GRIK3: variants seen among roughly 807,000 people sequenced by gnomAD.
The protein encoded by GRIK3 is glutamate receptor ionotropic, kainate 3.
GRIK3 carries 29 observed loss-of-function variants against 102.5 expected under a neutral mutation model. The observed-to-expected ratio is 0.28, with a 90% CI of 0.21 to 0.39. The LOEUF is 0.39. Among genes scored for constraint, GRIK3 ranks in the 10% least tolerant of loss-of-function variants. The pLI is 1.00. For missense variants in GRIK3, 908 were observed against 1,252.4 expected, an observed-to-expected ratio of 0.73 and a Z score of 4.15; for synonymous variants, 511 against 504.9, an observed-to-expected ratio of 1.01 and a Z score of -0.16.
chr1:36,991,203 C>T (rs1425110268), intron 1 of GRIK3, among the ~76,000 whole-genome samples: 2 of 152,192 alleles, frequency 1.3e-5, no homozygotes, highest in African/African-American at 4.8e-5. Flanking sequence ...ATTCAACAGG[C>T]TCGTGTGCAT....
rs1003483317 is a variant in GRIK3, at chr1:36,872,148, A to T, written c.732+40T>A. On this transcript the variant is annotated intron_variant, in intron 4 of 15. Transcript: ENST00000373091. The surrounding 1 kb of genome is among the most constrained non-coding windows in gnomAD (Gnocchi z 5.9). ...AGGGGACGTGGGAGAAGTGGCCAGC[A>T]GACCCCAGTCATCTGTCCCGGTGGC... 16 of 1,510,966 alleles carry T rather than the reference A, an allele frequency of 1.1e-5. No homozygotes were observed. The highest frequency in any genetic ancestry group is 1.4e-5 in the Non-Finnish European group (16 of 1,122,118). 93.6% of individuals were successfully genotyped at this position (1,510,966 alleles called of 1,614,324 possible). A position where few individuals can be genotyped will look rare whatever the true frequency, so the allele number is the denominator to read the frequency against.
intron 11 of GRIK3, among the ~76,000 whole-genome samples, chr1:36,820,197 A>G (rs542716966): frequency 1.3e-5 from 2 of 152,324 alleles, no homozygotes; most frequent in South Asian, 2.1e-4. Context: ...ATTGCAAAAA[A>G]AACCTGGAAA....
chr1:37,023,336 AAAAAG>A (rs936879589), intron 1 of GRIK3, among the ~76,000 whole-genome samples: 22 of 152,158 alleles, frequency 1.4e-4, no homozygotes, highest in African/African-American at 5.1e-4. Context: ...CAAAAAAAAA[AAAAAG>A]AAAGAAAGAA....
chr1:36,912,443 T>C (rs1186615117), intron 1 of GRIK3, among the ~76,000 whole-genome samples: 1 of 151,702 alleles, frequency 6.6e-6, no homozygotes, highest in African/African-American at 2.4e-5. Context: ...CCCCCTCTGC[T>C]GCCCACAGTG....
rs1642400628 is a variant in GRIK3, at chr1:36,798,893, T to C, written c.*2958A>G. The C allele has an allele frequency of 6.6e-6, 1 of 152,236 alleles. No individual in the cohort carries two copies. Among genetic ancestry groups the C allele is most frequent in the African/African-American group, 2.4e-5 (1 of 41,458 alleles). 9.4% of individuals were successfully genotyped at this position (152,236 alleles called of 1,614,324 possible). On this transcript the variant is annotated 3_prime_UTR_variant, in exon 16 of 16. Coordinates refer to ENST00000373091, the MANE Select transcript of GRIK3 (RefSeq NM_000831.4). ...TTCTGCCTCTATTTATCCACTATTC[T>C]TTGTTCGTTTTATAAAAATTCTCAC... is the stretch of plus-strand genomic sequence containing the variant.
At chr1:36,932,038 C>G (rs1641596817) in intron 1 of GRIK3, among the ~76,000 whole-genome samples, 1 of 152,168 alleles carries the variant, frequency 6.6e-6, no homozygotes, top group Non-Finnish European at 1.5e-5. Flanking sequence ...GGCCTGGATT[C>G]ATTACCCTCT....
intron 1 of GRIK3, among the ~76,000 whole-genome samples, chr1:36,988,648 T>G (rs1200635137): frequency 1.3e-5 from 2 of 152,222 alleles, no homozygotes; most frequent in Admixed American, 1.3e-4. Flanking sequence ...ACGCCAAGAT[T>G]CTTCACACAT....
intron 1 of GRIK3, among the ~76,000 whole-genome samples, chr1:36,916,638 T>C (rs372285386): frequency 6.9e-4 from 105 of 152,338 alleles, no homozygotes; most frequent in African/African-American, 2.3e-3. Flanking sequence ...CACCTCGGGC[T>C]GTTGCTTCAA....
intron 10 of GRIK3, among the ~76,000 whole-genome samples, chr1:36,829,236 G>C (rs1469897573): frequency 2.0e-5 from 3 of 152,210 alleles, no homozygotes; most frequent in Non-Finnish European, 4.4e-5. Flanking sequence ...AGCCTTTGCT[G>C]TTTCGGTTCA....
chr1:37,002,396 T>C (rs1642486990), intron 1 of GRIK3, among the ~76,000 whole-genome samples: 1 of 152,094 alleles, frequency 6.6e-6, no homozygotes, highest in South Asian at 2.1e-4. Context: ...TACTGCCCAA[T>C]ATGAAGTAAA....
chr1:36,816,893 C>T (rs1038175189), intron 13 of GRIK3, among the ~76,000 whole-genome samples, 167 bp downstream of exon 13: 8 of 152,240 alleles, frequency 5.3e-5, no homozygotes, highest in African/African-American at 1.9e-4. Context: ...CACATCACCA[C>T]AGCTCCCCAA....
chr1:36,810,005 T>C (rs951319971), intron 13 of GRIK3, among the ~76,000 whole-genome samples: 1 of 152,122 alleles, frequency 6.6e-6, no homozygotes, highest in Non-Finnish European at 1.5e-5. Flanking sequence ...GTCCCCACTG[T>C]CCTTGTCTTC....
intron 9 of GRIK3, among the ~76,000 whole-genome samples, chr1:36,846,097 G>A (rs935322321): frequency 1.3e-5 from 2 of 152,216 alleles, no homozygotes; most frequent in Admixed American, 6.5e-5. Context: ...AGAGTGGGCC[G>A]GGTGTGTTTT....
intron 1 of GRIK3, among the ~76,000 whole-genome samples, chr1:36,983,318 G>T (rs942823309): frequency 6.6e-6 from 1 of 152,010 alleles, no homozygotes; most frequent in Admixed American, 6.5e-5. Flanking sequence ...CATCTATTCT[G>T]CCCCATGCAC....
At chr1:36,959,042 AGTCTGTGTGC>A (rs1641965271) in intron 1 of GRIK3, among the ~76,000 whole-genome samples, 1 of 99,942 alleles carries the variant, frequency 1.0e-5, no homozygotes, top group African/African-American at 3.3e-5. Flanking sequence ...GTGCCCTGTG[AGTCTGTGTGC>A]CCTGTGAGCC....
chr1:36,818,870 A>C (rs1041638153), intron 12 of GRIK3, among the ~76,000 whole-genome samples: 2 of 152,164 alleles, frequency 1.3e-5, no homozygotes, highest in Admixed American at 6.5e-5. Context: ...CTCTAACAGC[A>C]AAAACTTGTC....
At chr1:37,010,194 A>G (rs937257694) in intron 1 of GRIK3, among the ~76,000 whole-genome samples, 1 of 152,190 alleles carries the variant, frequency 6.6e-6, no homozygotes, top group Non-Finnish European at 1.5e-5. Context: ...CACGTCACCC[A>G]AGCCGGGCCA....
At chr1:36,990,173 C>G (rs538820010) in intron 1 of GRIK3, among the ~76,000 whole-genome samples, 2 of 152,128 alleles carry the variant, frequency 1.3e-5, no homozygotes, top group African/African-American at 2.4e-5. Context: ...CCTGAGCCCC[C>G]GCCCAGCCCT....
rs1464415938 is a variant in GRIK3 at position 36,798,768 on chromosome 1, A to C, written c.*3083T>G. The C allele has an allele frequency of 6.6e-6, 1 of 152,344 alleles. No individual in the cohort carries two copies. The highest frequency in any genetic ancestry group is 3.4e-3 in the Middle Eastern group (1 of 294). The allele number at this position is 152,344 out of a possible 1,614,324, so 9.4% of individuals were successfully genotyped here. A position where few individuals can be genotyped will look rare whatever the true frequency, so the allele number is the denominator to read the frequency against. ...CGACAACACCTGAACATCAGGACGC[A>C]AGGTTTGCCTGGGAGAGGAGATGAG... On this transcript the variant is annotated 3_prime_UTR_variant, in exon 16 of 16. Coordinates refer to ENST00000373091, the MANE Select transcript of GRIK3 (RefSeq NM_000831.4).
Sources: allele counts gnomAD v4.1 joint callset (sites outside exome capture counted in the v4.1 genomes callset), GRCh38; gene constraint gnomAD v4.1.1; non-coding constraint Gnocchi (gnomAD v3.1); transcripts MANE v1.5; gene names NCBI Gene and HGNC (gene_info 2026-07-23, HGNC 2026-07-21).